Variants in HSPA4L observed in about 807,000 individuals in gnomAD.
HSPA4L encodes heat shock protein family A (Hsp70) member 4 like, also known as heat shock 70 kDa protein 4L.
Under a neutral mutation model 100.3 loss-of-function variants are expected in HSPA4L, and 48 were observed. The ratio of observed to expected loss-of-function variants is 0.48; its 90% CI spans 0.38 to 0.61. HSPA4L has a LOEUF of 0.61. HSPA4L is among the 20% of genes least tolerant of loss of function. The pLI, the probability that HSPA4L is intolerant of heterozygous loss-of-function variation, is 0.00. For synonymous variants in HSPA4L, 319 were observed against 328.2 expected (o/e 0.97, Z 0.30); for missense variants, 886 against 988.6 (o/e 0.90, Z 1.39).
chr4:127,815,635 C>G (rs1411783315), intron 12 of HSPA4L, among the ~76,000 whole-genome samples: 1 of 151,948 alleles, frequency 6.6e-6, no homozygotes, highest in African/African-American at 2.4e-5. Flanking sequence ...TTATTTACTT[C>G]TATTTATTTT....
chr4:127,791,402 G>T (rs1049946865), intron 1 of HSPA4L, among the ~76,000 whole-genome samples: 3 of 152,160 alleles, frequency 2.0e-5, no homozygotes, highest in Non-Finnish European at 4.4e-5. Context: ...TGTGATATCT[G>T]CCACCACAGA....
In HSPA4L at chr4:127,805,823, C is replaced by T. The variant is rs761402132; in HGVS notation, c.1244+30C>T. On this transcript the variant is annotated intron_variant, in intron 10 of 18. Coordinates refer to ENST00000296464, the MANE Select transcript of HSPA4L (RefSeq NM_014278.4). ...GTTATTTTTAAAACCTTGATTAGAG[C>T]TTGTCATAAATCTTTACCCAGTTAA... 9 of 1,431,336 alleles carry T rather than the reference C, an allele frequency of 6.3e-6. No individual in the cohort carries two copies. The East Asian group carries it at 2.1e-4, about 33-fold the overall frequency. 88.7% of individuals were successfully genotyped at this position (1,431,336 alleles called of 1,614,324 possible). A position where few individuals can be genotyped will look rare whatever the true frequency, so the allele number is the denominator to read the frequency against.
intron 1 of HSPA4L, among the ~76,000 whole-genome samples, chr4:127,792,799 A>G (rs1045667128): frequency 1.3e-5 from 2 of 152,206 alleles, no homozygotes; most frequent in African/African-American, 2.4e-5. Flanking sequence ...TGTTTTTTAT[A>G]TAGGATGGTG....
At chr4:127,805,250 A>G (rs757196885) in intron 9 of HSPA4L, 26 bp downstream of exon 9, 1 of 1,562,830 alleles carries the variant, frequency 6.4e-7, no homozygotes, top group South Asian at 1.2e-5. Flanking sequence ...TATTTTTTAG[A>G]ATATGTATTT....
chr4:127,808,846 C>T (rs1328387901), intron 11 of HSPA4L, among the ~76,000 whole-genome samples: 1 of 152,048 alleles, frequency 6.6e-6, no homozygotes, highest in Non-Finnish European at 1.5e-5. Context: ...TTGCTCGAAC[C>T]CAGGAGGCAG....
At chr4:127,791,543 G>A (rs1732875600) in intron 1 of HSPA4L, among the ~76,000 whole-genome samples, 2 of 152,208 alleles carry the variant, frequency 1.3e-5, no homozygotes, top group South Asian at 4.1e-4. Flanking sequence ...CTGGTGGCTA[G>A]TGGCTGCCAT....
intron 8 of HSPA4L, 83 bp from the exon 9 acceptor site, chr4:127,804,990 C>T: frequency 3.5e-5 from 27 of 778,632 alleles, no homozygotes; most frequent in East Asian, 8.5e-5. Flanking sequence ...AAAGTCAATC[C>T]ACTTTTTAAA....
Position 127,818,333 on chromosome 4 carries a change from G to T in HSPA4L, c.1587G>T (p.Met529Ile). ...ATGTATTTTCTTTCTAGGATAAAAT[G>T]CAGGTTGATCAAGAAGAAGGGCATC... is the stretch of plus-strand genomic sequence containing the variant. The part of the protein sequence containing the change: ...KNENKDNMDK[M>I]QVDQEEGHQK... Residue 529 changes from methionine to isoleucine, a missense_variant, in exon 13 of 19, where the codon ATG becomes ATT. Met to Ile is a conservative substitution (Grantham distance 10, BLOSUM62 1). Coordinates refer to ENST00000296464, the MANE Select transcript of HSPA4L (RefSeq NM_014278.4). The T allele has an allele frequency of 6.2e-7, 1 of 1,604,932 alleles. No homozygotes were observed. The highest frequency in any genetic ancestry group is 8.5e-7 in the Non-Finnish European group (1 of 1,173,174).
intron 16 of HSPA4L, among the ~76,000 whole-genome samples, chr4:127,824,729 C>G (rs1733899223): frequency 6.6e-6 from 1 of 152,176 alleles, no homozygotes; most frequent in Non-Finnish European, 1.5e-5. Context: ...AACGTCCTTT[C>G]ACAAATCAAG....
chr4:127,790,387 G>A (rs1310543973), intron 1 of HSPA4L, among the ~76,000 whole-genome samples: 2 of 152,194 alleles, frequency 1.3e-5, no homozygotes, highest in Admixed American at 6.5e-5. Flanking sequence ...TGAGTTTTAG[G>A]ATGGAATGCC....
At chr4:127,793,789 T>C (rs1732941444) in intron 1 of HSPA4L, among the ~76,000 whole-genome samples, 1 of 152,120 alleles carries the variant, frequency 6.6e-6, no homozygotes, top group Admixed American at 6.6e-5. Flanking sequence ...CACGGTTGAG[T>C]TTTCTTTTAA....
chr4:127,804,262 G>T (rs1733283148), intron 8 of HSPA4L, among the ~76,000 whole-genome samples, 175 bp downstream of exon 8: 2 of 151,908 alleles, frequency 1.3e-5, no homozygotes, highest in African/African-American at 4.8e-5. Flanking sequence ...TATAATTCTG[G>T]GTTTATGAGA....
intron 12 of HSPA4L, among the ~76,000 whole-genome samples, chr4:127,814,871 CT>C (rs1228513214): frequency 6.6e-6 from 1 of 152,112 alleles, no homozygotes; most frequent in Non-Finnish European, 1.5e-5. Flanking sequence ...GGCCTGTGCA[CT>C]TTTTAATGGT....
chr4:127,811,785 T>TA, intron 12 of HSPA4L, 149 bp downstream of exon 12: 2 of 619,214 alleles, frequency 3.2e-6, no homozygotes, highest in Non-Finnish European at 5.6e-6. Flanking sequence ...AGTCTTTTGA[T>TA]AAAAGCATTA....
chr4:127,821,312 T>C (rs1185216159), intron 14 of HSPA4L, among the ~76,000 whole-genome samples: 1 of 152,124 alleles, frequency 6.6e-6, no homozygotes, highest in African/African-American at 2.4e-5. Context: ...GAATGAATTG[T>C]AGGGAAGCAC....
rs1350257599 is a variant in HSPA4L at position 127,837,280 on chromosome 4, T to G, written c.*4406T>G. ...TTTTTGCTTTTAAAGTTAATGTTATTTTGTGGTTAAACTTCTAAAGTTTTG... is the reference window on the plus strand; with the variant it reads ...TTTTTGCTTTTAAAGTTAATGTTATGTTGTGGTTAAACTTCTAAAGTTTTG... On this transcript the variant is annotated 3_prime_UTR_variant, in exon 19 of 19. Transcript: ENST00000296464. The G allele has an allele frequency of 6.6e-6, 1 of 152,148 alleles. No individual in the cohort carries two copies. The highest frequency in any genetic ancestry group is 1.5e-5 in the Non-Finnish European group (1 of 68,014). 9.4% of individuals were successfully genotyped at this position (152,148 alleles called of 1,614,324 possible). A position where few individuals can be genotyped will look rare whatever the true frequency, so the allele number is the denominator to read the frequency against.
intron 18 of HSPA4L, among the ~76,000 whole-genome samples, chr4:127,831,546 A>G (rs1167472704): frequency 4.0e-5 from 6 of 150,898 alleles, no homozygotes; most frequent in Admixed American, 3.3e-4. Flanking sequence ...AATATCTGTC[A>G]ATAGGAAACT....
intron 10 of HSPA4L, among the ~76,000 whole-genome samples, chr4:127,806,262 T>C (rs1733354686): frequency 6.6e-6 from 1 of 152,044 alleles, no homozygotes; most frequent in African/African-American, 2.4e-5. Context: ...AACTGTTTTT[T>C]CAATAGTTAT....
In HSPA4L at chr4:127,787,094, AT is replaced by A. The variant is rs568586711; in HGVS notation, c.107+4443del. Among the ~76,000 whole-genome samples the A allele has an allele frequency of 6.5e-4, 99 of 152,210 alleles. 1 individual carries two copies. Among genetic ancestry groups the A allele is most frequent in the Admixed American group, 1.2e-3 (18 of 15,276 alleles). On this transcript the variant is annotated intron_variant, in intron 1 of 18. Transcript: ENST00000296464. ...ATTCAGTTCTCTGGTTTTCTATCTTATTTTTTCCTATTTCTTTACTAGCATA... is the reference window on the plus strand; with the variant it reads ...ATTCAGTTCTCTGGTTTTCTATCTTATTTTTCCTATTTCTTTACTAGCATA...
Sources: allele counts gnomAD v4.1 joint callset (sites outside exome capture counted in the v4.1 genomes callset), GRCh38; gene constraint gnomAD v4.1.1; transcripts MANE v1.5; gene names NCBI Gene and HGNC (gene_info 2026-07-23, HGNC 2026-07-21).